Variants in C11orf16 observed in about 807,000 individuals in gnomAD.
C11orf16 encodes the protein chromosome 11 open reading frame 16.
Under a neutral mutation model 45.1 loss-of-function variants are expected in C11orf16, and 38 were observed. That is an observed-to-expected ratio of 0.84 (90% confidence interval 0.65 to 1.10). C11orf16 has a LOEUF of 1.10. Among genes scored for constraint, C11orf16 ranks in the 50% least tolerant of loss-of-function variants. C11orf16 has a pLI of 0.00. For missense variants in C11orf16, 583 were observed against 569.5 expected, an observed-to-expected ratio of 1.02 and a Z score of -0.24; for synonymous variants, 221 against 222.0, an observed-to-expected ratio of 1.00 and a Z score of 0.04.
intron 3 of C11orf16, among the ~76,000 whole-genome samples, chr11:8,928,524 T>C (rs2064630122): frequency 6.6e-6 from 1 of 152,194 alleles, no homozygotes; most frequent in African/African-American, 2.4e-5. Context: ...CTGTTATGCA[T>C]TGAATTGTGT....
intron 3 of C11orf16, chr11:8,929,153 C>T: frequency 4.4e-6 from 2 of 456,270 alleles, no homozygotes. Context: ...TGGGAGATGA[C>T]ACATTTCTGT....
chr11:8,923,525 T>A (rs1002015079), intron 5 of C11orf16, among the ~76,000 whole-genome samples: 3 of 152,214 alleles, frequency 2.0e-5, no homozygotes, highest in Admixed American at 6.5e-5. Context: ...CAAGTGATAA[T>A]ATAAAGAAAA....
intron 3 of C11orf16, chr11:8,927,400 C>T: frequency 3.5e-6 from 2 of 578,562 alleles, no homozygotes; most frequent in Non-Finnish European, 6.2e-6. Flanking sequence ...CTGCCTCGGG[C>T]AACTCTTGTG....
At chr11:8,923,009 C>T (rs928986033) in intron 5 of C11orf16, among the ~76,000 whole-genome samples, 1 of 152,222 alleles carries the variant, frequency 6.6e-6, no homozygotes, top group Non-Finnish European at 1.5e-5. Flanking sequence ...TAGAGCATAA[C>T]ACAAGATCCA....
Position 8,927,097 on chromosome 11 carries a change from C to T in C11orf16, c.402G>A (p.Gln134=), listed in dbSNP as rs1208730553. ...TGACATCCTCTTCTAAGACCACTCT[C>T]TGCTGCTGGGCTGGCAGCTTTGGGC... The part of the protein sequence containing the change: ...VAGPKLPAQQ[Q]RVVLEEDVIP... Residue 134 remains glutamine (Q), a synonymous_variant, in exon 4 of 7, where the codon CAG becomes CAA. Transcript: ENST00000326053. 1.2e-6 allele frequency: 2 copies of T among 1,614,214 alleles called. No individual in the cohort carries two copies. Among genetic ancestry groups the T allele is most frequent in the Non-Finnish European group, 1.7e-6 (2 of 1,180,048 alleles).
At chr11:8,923,411 CTCT>C (rs899890872) in intron 5 of C11orf16, among the ~76,000 whole-genome samples, 7 of 152,216 alleles carry the variant, frequency 4.6e-5, no homozygotes, top group Non-Finnish European at 7.3e-5. Flanking sequence ...GTAGGTACAG[CTCT>C]TCTTTCTCCA....
intron 3 of C11orf16, chr11:8,927,396 C>T (rs1056303405): frequency 2.9e-5 from 17 of 580,696 alleles, no homozygotes; most frequent in African/African-American, 9.3e-5. Context: ...CTTCCTGCCT[C>T]GGGCAACTCT....
chr11:8,921,522 C>T lies in C11orf16; in HGVS notation c.1205-7G>A. On this transcript the variant is annotated splice_polypyrimidine_tract_variant and splice_region_variant and intron_variant, in intron 5 of 6. Coordinates refer to ENST00000326053, the MANE Select transcript of C11orf16 (RefSeq NM_020643.3). ...ATGTTGGAATATCTTGTTCCTAAAC[C>T]CAAAAGTCAATTACTTAGGTTGAAT... 6.2e-7 allele frequency: 1 copy of T among 1,613,782 alleles called. No homozygotes were observed. The highest frequency in any genetic ancestry group is 8.5e-7 in the Non-Finnish European group (1 of 1,179,772).
chr11:8,928,033 G>A (rs933344721), intron 3 of C11orf16, among the ~76,000 whole-genome samples: 3 of 152,026 alleles, frequency 2.0e-5, no homozygotes, highest in Admixed American at 6.6e-5. Flanking sequence ...TCAGGTTCCC[G>A]AGCAGCTGGG....
At chr11:8,924,393 G>A (rs1589932326) in intron 5 of C11orf16, among the ~76,000 whole-genome samples, 1 of 152,240 alleles carries the variant, frequency 6.6e-6, no homozygotes, top group East Asian at 1.9e-4. Flanking sequence ...AGGCATGGTG[G>A]CATGCACCTA....
intron 5 of C11orf16, among the ~76,000 whole-genome samples, chr11:8,923,766 G>T (rs2064589961): frequency 6.6e-6 from 1 of 151,880 alleles, no homozygotes; most frequent in South Asian, 2.1e-4. Flanking sequence ...ACAATGCCTG[G>T]CTAATTTTTG....
rs1430298144 is a variant in C11orf16 at position 8,921,406 on chromosome 11, C to T, written c.1314G>A (p.Met438Ile). Residue 438 changes from methionine to isoleucine, a missense_variant, in exon 6 of 7, where the codon ATG (methionine) becomes ATA (isoleucine). Transcript: ENST00000326053. The stretch of plus-strand genomic sequence containing the variant: ...CCCCTGGCGGGGTCCGCGGTGGCTT[C>T]ATGTGGGTTGCTTTCGAGACCAGCT... Reference protein sequence around the residue: ...TKELVSKATHMKPPRTPPGEA... With the variant: ...TKELVSKATHIKPPRTPPGEA... The T allele has an allele frequency of 5.0e-6, 8 of 1,614,114 alleles. No homozygotes were observed. In the Admixed American group the frequency reaches 1.2e-4, roughly 24 times the overall value.
At chr11:8,929,225 TGG>T in intron 3 of C11orf16, 150 bp downstream of exon 3, 1 of 764,860 alleles carries the variant, frequency 1.3e-6, no homozygotes, top group Non-Finnish European at 2.0e-6. Context: ...ATACACTCAA[TGG>T]TATTACATGT....
At position 8,920,543 on chromosome 11, in the gene C11orf16, C is replaced by T. The variant is rs564856218; in HGVS notation, c.*23-93G>A. The T allele has an allele frequency of 2.5e-4, 152 of 596,674 alleles. 2 individuals carry two copies. The South Asian group carries it at 3.1e-3, about 12-fold the overall frequency. The allele number at this position is 596,674 out of a possible 1,614,324, so 37.0% of individuals were successfully genotyped here. A position where few individuals can be genotyped will look rare whatever the true frequency, so the allele number is the denominator to read the frequency against. On this transcript the variant is annotated intron_variant, in intron 6 of 6. Coordinates refer to ENST00000326053, the MANE Select transcript of C11orf16 (RefSeq NM_020643.3). ...ATTTTAAAAAGTCATTGATTGTGGC[C>T]GAGTGCGGTGGCTCATACCTGTAAT...
chr11:8,931,379 A>G (rs1372954747), intron 2 of C11orf16, among the ~76,000 whole-genome samples: 1 of 151,112 alleles, frequency 6.6e-6, no homozygotes, highest in Non-Finnish European at 1.5e-5. Context: ...ATGTGCCACC[A>G]CGCCCAGCTA....
chr11:8,922,465 T>C (rs1316482053), intron 5 of C11orf16, among the ~76,000 whole-genome samples: 1 of 152,240 alleles, frequency 6.6e-6, no homozygotes, highest in Non-Finnish European at 1.5e-5. Context: ...GAATGCTTTT[T>C]ACGTTTCTTT....
At chr11:8,926,855 G>A (rs1483336674) in intron 4 of C11orf16, 85 bp downstream of exon 4, 10 of 1,095,920 alleles carry the variant, frequency 9.1e-6, no homozygotes, top group Admixed American at 2.1e-5. Flanking sequence ...CCCCTAAGCT[G>A]TAGACGCAGC....
chr11:8,931,495 A>G (rs191505051), intron 2 of C11orf16, among the ~76,000 whole-genome samples: 2 of 152,152 alleles, frequency 1.3e-5, no homozygotes, highest in Admixed American at 1.3e-4. Flanking sequence ...AGTTCAAGCA[A>G]TTCTCTGCCT....
intron 5 of C11orf16, 67 bp downstream of exon 5, chr11:8,925,396 T>A (rs534251410): frequency 1.0e-4 from 143 of 1,397,728 alleles, no homozygotes; most frequent in Non-Finnish European, 1.4e-4. Context: ...CTAAGGGACA[T>A]GTGGGAGGGA....
Sources: gnomAD v4.1 joint callset for allele counts (sites outside exome capture counted in the v4.1 genomes callset) on GRCh38, gnomAD v4.1.1 for gene constraint, MANE v1.5 for transcripts, NCBI Gene and HGNC (gene_info 2026-07-23, HGNC 2026-07-21) for gene names.